TNS3: variants seen among roughly 807,000 people sequenced by gnomAD.
TNS3 encodes the protein tensin-3.
In TNS3, 45 loss-of-function variants were observed where a neutral mutation model predicts 140.9. The observed-to-expected ratio is 0.32, with a 90% confidence interval of 0.25 to 0.41. The LOEUF (loss-of-function observed/expected upper bound fraction) is 0.41. Among genes scored for constraint, TNS3 ranks in the 10% least tolerant of loss-of-function variants. TNS3 has a pLI of 1.00. For missense variants in TNS3, 1,716 were observed against 1,906.7 expected (o/e 0.90, Z 1.86); for synonymous variants, 815 against 788.4 (o/e 1.03, Z -0.56).
chr7:47,437,825 A>G (rs1029930569), intron 6 of TNS3, among the ~76,000 whole-genome samples: 1 of 149,882 alleles, frequency 6.7e-6, no homozygotes, highest in Non-Finnish European at 1.5e-5. Flanking sequence ...ACACATATAT[A>G]TAAAATAAAT....
chr7:47,566,935 A>C (rs1800441931), intron 1 of TNS3, among the ~76,000 whole-genome samples: 1 of 149,796 alleles, frequency 6.7e-6, no homozygotes, highest in South Asian at 2.1e-4. Flanking sequence ...CCAGCTACTG[A>C]GGCAGGAGAA....
At chr7:47,283,967 C>T in intron 27 of TNS3, 102 bp from the exon 28 acceptor site, 1 of 1,151,580 alleles carries the variant, frequency 8.7e-7, no homozygotes, top group South Asian at 1.8e-5. Context: ...GGTTTATGAA[C>T]AACTTGCGCA....
At chr7:47,474,348 C>T (rs1301086024) in intron 4 of TNS3, among the ~76,000 whole-genome samples, 2 of 149,440 alleles carry the variant, frequency 1.3e-5, no homozygotes, top group Non-Finnish European at 3.0e-5. Flanking sequence ...CAAAACACCT[C>T]ACAACACACA....
At chr7:47,570,007 A>G (rs1185518796) in intron 1 of TNS3, among the ~76,000 whole-genome samples, 1 of 146,802 alleles carries the variant, frequency 6.8e-6, no homozygotes, top group Admixed American at 6.8e-5. Flanking sequence ...AAAATTAGCC[A>G]GGCGTGGTGG....
intron 16 of TNS3, among the ~76,000 whole-genome samples, chr7:47,390,315 T>C (rs1792437294): frequency 6.6e-6 from 1 of 152,210 alleles, no homozygotes; most frequent in Admixed American, 6.5e-5. Context: ...AATACTTGAA[T>C]GGTCTCAGCT....
At chr7:47,439,351 C>T (rs538164309) in intron 6 of TNS3, 136 bp downstream of exon 6, 37 of 948,686 alleles carry the variant, frequency 3.9e-5, no homozygotes, top group African/African-American at 3.8e-4. Flanking sequence ...AGGACGAAGG[C>T]GCCACGGACA....
chr7:47,493,662 CAAAA>C (rs58803590), intron 3 of TNS3, among the ~76,000 whole-genome samples: 23 of 118,866 alleles, frequency 1.9e-4, no homozygotes, highest in Non-Finnish European at 2.4e-4. Flanking sequence ...ACTAAAAATA[CAAAA>C]AAAAAAAAAA....
At chr7:47,575,466 G>A (rs1257578025) in intron 1 of TNS3, among the ~76,000 whole-genome samples, 1 of 152,078 alleles carries the variant, frequency 6.6e-6, no homozygotes, top group Non-Finnish European at 1.5e-5. Flanking sequence ...AGTCTACAAT[G>A]AGCACATATT....
At chr7:47,565,244 A>G (rs992758750) in intron 1 of TNS3, among the ~76,000 whole-genome samples, 3 of 149,198 alleles carry the variant, frequency 2.0e-5, no homozygotes, top group Non-Finnish European at 3.0e-5. Context: ...AGCCCGGCTA[A>G]TTTTTTGTAT....
rs772219098 is a variant in TNS3 at position 47,344,946 on chromosome 7, A to G, written c.2544T>C (p.Pro848=). 56 of 1,614,004 alleles carry G rather than the reference A, an allele frequency of 3.5e-5. No individual in the cohort carries two copies. In the East Asian group the frequency reaches 1.2e-3, roughly 35 times the overall value. The change falls in exon 19 of 31, where the codon CCT becomes CCC. Residue 848 remains proline (P), a synonymous_variant. Coordinates refer to ENST00000311160, the MANE Select transcript of TNS3 (RefSeq NM_022748.12). ...KESMCSTPAF[P]VSPETPYVKT... is the part of the protein sequence containing the mutation. Reference sequence around the variant, plus strand: ...TACCATACGGTGTCTCTGGAGACACAGGAAATGCTGGAGTTGAACACATGG... The same window carrying G: ...TACCATACGGTGTCTCTGGAGACACGGGAAATGCTGGAGTTGAACACATGG...
chr7:47,500,186 C>T (rs959455795), intron 3 of TNS3, among the ~76,000 whole-genome samples: 1 of 152,198 alleles, frequency 6.6e-6, no homozygotes, highest in African/African-American at 2.4e-5. Context: ...GGGCTGCAGA[C>T]AGAAGCTCCC....
intron 2 of TNS3, among the ~76,000 whole-genome samples, chr7:47,513,902 C>G (rs1167858353): frequency 6.6e-6 from 1 of 152,226 alleles, no homozygotes; most frequent in Non-Finnish European, 1.5e-5. Context: ...TTTAAGAATC[C>G]TGGCTCCCGC....
At chr7:47,519,260 C>G (rs182548849) in intron 2 of TNS3, among the ~76,000 whole-genome samples, 5 of 138,280 alleles carry the variant, frequency 3.6e-5, no homozygotes, top group Non-Finnish European at 6.2e-5. Flanking sequence ...ATATCCCCCC[C>G]CAACACAAGG....
chr7:47,290,610 A>G (rs779585190), intron 27 of TNS3, among the ~76,000 whole-genome samples: 6 of 152,236 alleles, frequency 3.9e-5, no homozygotes, highest in Non-Finnish European at 8.8e-5. Context: ...GCTACACATC[A>G]TAAGTCATCA....
chr7:47,376,813 C>A (rs944440075), intron 16 of TNS3, among the ~76,000 whole-genome samples: 1 of 151,346 alleles, frequency 6.6e-6, no homozygotes, highest in Non-Finnish European at 1.5e-5. Context: ...TGCTTTCCTC[C>A]CTAACTCCTA....
intron 20 of TNS3, among the ~76,000 whole-genome samples, chr7:47,314,355 G>A (rs189808308): frequency 1.6e-3 from 239 of 152,292 alleles, no homozygotes; most frequent in African/African-American, 5.1e-3. Context: ...ATGCTTAACG[G>A]AAGAGGAGAG....
intron 17 of TNS3, among the ~76,000 whole-genome samples, chr7:47,362,602 G>A (rs889163382): frequency 5.9e-5 from 9 of 152,312 alleles, no homozygotes; most frequent in African/African-American, 2.2e-4. Flanking sequence ...ATGGGGTGCA[G>A]AGTCAGAGAG....
intron 1 of TNS3, among the ~76,000 whole-genome samples, chr7:47,547,875 C>A (rs1799963693): frequency 6.6e-6 from 1 of 152,200 alleles, no homozygotes; most frequent in Non-Finnish European, 1.5e-5. Flanking sequence ...GCACAGCGGG[C>A]TCCAGCATTG....
chr7:47,448,378 C>T (rs1052981668), intron 4 of TNS3, among the ~76,000 whole-genome samples: 22 of 152,314 alleles, frequency 1.4e-4, no homozygotes, highest in Admixed American at 6.5e-4. Flanking sequence ...TTTGATGTTC[C>T]TCTCCACAGC....
Sources: allele counts gnomAD v4.1 joint callset (sites outside exome capture counted in the v4.1 genomes callset), GRCh38; gene constraint gnomAD v4.1.1; transcripts MANE v1.5; gene names NCBI Gene and HGNC (gene_info 2026-07-23, HGNC 2026-07-21).